Variants in CLVS1 observed in about 807,000 individuals in gnomAD.
The protein encoded by CLVS1 is clavesin 1, also known as clavesin-1.
CLVS1 carries 10 observed loss-of-function variants against 33.1 expected under a neutral mutation model. The ratio of observed to expected loss-of-function variants is 0.30; its 90% confidence interval spans 0.19 to 0.51. The LOEUF (loss-of-function observed/expected upper bound fraction) is 0.51. Ranked by LOEUF, CLVS1 falls within the 20% of genes least tolerant of loss-of-function variation. The probability of loss-of-function intolerance (pLI) is 0.97; values close to 1 mark genes in which losing one functional copy is unlikely to be tolerated. For synonymous variants in CLVS1, 163 were observed against 166.1 expected, an observed-to-expected ratio of 0.98 and a Z score of 0.14; for missense variants, 343 against 433.4, an observed-to-expected ratio of 0.79 and a Z score of 1.85.
At chr8:60,992,661 C>T in the CLVS1 span, among the ~76,000 whole-genome samples, 1 of 152,224 alleles carries the variant, frequency 6.6e-6, no homozygotes, top group Non-Finnish European at 1.5e-5. Flanking sequence ...GCTCTGGCAA[C>T]TGCACAAAAG....
chr8:61,285,099 CT>C (rs530643879), upstream of CLVS1, among the ~76,000 whole-genome samples: 38 of 152,202 alleles, frequency 2.5e-4, no homozygotes, highest in Non-Finnish European at 4.7e-4. Flanking sequence ...AAAAAAAAGT[CT>C]GTGGAGCCTT....
chr8:61,388,843 T>C (rs1563530823), intron 3 of CLVS1, among the ~76,000 whole-genome samples: 1 of 152,138 alleles, frequency 6.6e-6, no homozygotes, highest in Non-Finnish European at 1.5e-5. Context: ...ATCTTAACAG[T>C]GCTATAGAAC....
intron 2 of CLVS1, among the ~76,000 whole-genome samples, chr8:61,199,951 T>C (rs997733392): frequency 2.0e-5 from 3 of 152,150 alleles, no homozygotes; most frequent in African/African-American, 7.2e-5. Flanking sequence ...GGGTGCTCTG[T>C]TGAGGACTGA....
chr8:61,199,085 G>A (rs796418757), intron 2 of CLVS1, among the ~76,000 whole-genome samples: 32 of 152,238 alleles, frequency 2.1e-4, no homozygotes, highest in Admixed American at 5.2e-4. Context: ...CAGATACTCC[G>A]TAGTGGGATT....
chr8:61,073,339 T>C (rs1804836093), intron 1 of CLVS1, among the ~76,000 whole-genome samples: 1 of 152,252 alleles, frequency 6.6e-6, no homozygotes, highest in Admixed American at 6.5e-5. Flanking sequence ...CTACAAACCA[T>C]ACGCTGTCAG....
chr8:61,307,104 A>AATAGTATCC (rs1304920348), intron 2 of CLVS1, among the ~76,000 whole-genome samples: 1 of 152,216 alleles, frequency 6.6e-6, no homozygotes, highest in Non-Finnish European at 1.5e-5. Context: ...AATACACTAT[A>AATAGTATCC]ATAGTATCCA....
the CLVS1 span, among the ~76,000 whole-genome samples, chr8:60,995,203 C>T: frequency 6.6e-6 from 1 of 152,166 alleles, no homozygotes; most frequent in Non-Finnish European, 1.5e-5. Flanking sequence ...GCAAAAGAAA[C>T]TACCATCAGA....
the CLVS1 span, among the ~76,000 whole-genome samples, chr8:61,029,365 T>G: frequency 6.6e-6 from 1 of 152,116 alleles, no homozygotes; most frequent in South Asian, 2.1e-4. Flanking sequence ...CTGGGTCAAC[T>G]GTGGGAGAAG....
the CLVS1 span, among the ~76,000 whole-genome samples, chr8:60,983,707 G>A: frequency 6.6e-6 from 1 of 152,162 alleles, no homozygotes; most frequent in East Asian, 1.9e-4. Context: ...AGGTGCCTTG[G>A]CAGAGGGAAT....
chr8:61,352,596 T>C (rs1812514300), intron 2 of CLVS1, among the ~76,000 whole-genome samples: 1 of 151,910 alleles, frequency 6.6e-6, no homozygotes, highest in East Asian at 1.9e-4. Flanking sequence ...TTTAAAAAAA[T>C]AGACATGGCT....
intron 2 of CLVS1, among the ~76,000 whole-genome samples, chr8:61,190,040 A>T (rs1807437200): frequency 6.6e-6 from 1 of 152,216 alleles, no homozygotes; most frequent in Admixed American, 6.5e-5. Flanking sequence ...ACATCTACAG[A>T]AGTCTCCACC....
At chr8:61,088,818 T>C (rs1435067474) in intron 1 of CLVS1, among the ~76,000 whole-genome samples, 1 of 151,866 alleles carries the variant, frequency 6.6e-6, no homozygotes, top group African/African-American at 2.4e-5. Context: ...CTTTTTTTTT[T>C]TGAGATGGAG....
intron 2 of CLVS1, among the ~76,000 whole-genome samples, chr8:61,162,823 T>C (rs1038025222): frequency 1.3e-5 from 2 of 152,162 alleles, no homozygotes; most frequent in Admixed American, 6.5e-5. Flanking sequence ...TTGTTTTATA[T>C]CTCGAGAGCC....
At chr8:61,271,935 A>G (rs1203260156) in intron 2 of CLVS1, among the ~76,000 whole-genome samples, 1 of 151,774 alleles carries the variant, frequency 6.6e-6, no homozygotes, top group Non-Finnish European at 1.5e-5. Flanking sequence ...GGTTTCCTGA[A>G]TACAGCACAC....
At chr8:61,004,157 G>A in the CLVS1 span, among the ~76,000 whole-genome samples, 309 of 152,364 alleles carry the variant, frequency 2.0e-3, 2 homozygotes, top group Non-Finnish European at 3.1e-3. Context: ...AGGTGCTTAT[G>A]TGGATTAAAT....
At chr8:61,104,915 G>A (rs1207345766) in intron 1 of CLVS1, among the ~76,000 whole-genome samples, 16 of 151,908 alleles carry the variant, frequency 1.1e-4, no homozygotes, top group African/African-American at 1.9e-4. Flanking sequence ...TGCAACCTCC[G>A]ACTCCTGGGT....
chr8:61,175,727 G>T (rs1390922630), intron 2 of CLVS1, among the ~76,000 whole-genome samples: 1 of 152,172 alleles, frequency 6.6e-6, no homozygotes, highest in East Asian at 1.9e-4. Context: ...GCTAGGAGAA[G>T]TGAGAAAGTA....
chr8:61,428,470 A>G (rs1815978750), intron 3 of CLVS1, among the ~76,000 whole-genome samples: 1 of 152,250 alleles, frequency 6.6e-6, no homozygotes, highest in South Asian at 2.1e-4. Context: ...TGATGGCATT[A>G]CAACCTCCAG....
intron 2 of CLVS1, among the ~76,000 whole-genome samples, chr8:61,308,145 T>C (rs1810698363): frequency 6.6e-6 from 1 of 152,244 alleles, no homozygotes; most frequent in African/African-American, 2.4e-5. Context: ...TTCAGCTGCA[T>C]AGTCTTTATG....
Sources: allele counts gnomAD v4.1 joint callset (sites outside exome capture counted in the v4.1 genomes callset), GRCh38; gene constraint gnomAD v4.1.1; transcripts MANE v1.5; gene names NCBI Gene and HGNC (gene_info 2026-07-23, HGNC 2026-07-21).